The following JMJD1C variants were observed in gnomAD, a reference collection of about 807,000 sequenced individuals.
The protein encoded by JMJD1C is jumonji domain containing 1C.
Under a neutral mutation model 245.3 loss-of-function variants are expected in JMJD1C, and 31 were observed. The observed-to-expected ratio is 0.13, with a 90% CI of 0.09 to 0.17. The LOEUF (loss-of-function observed/expected upper bound fraction) is 0.17, where lower values mean the gene tolerates loss of function less well. Among genes scored for constraint, JMJD1C ranks in the 10% least tolerant of loss-of-function variants. JMJD1C has a pLI of 1.00. For missense variants in JMJD1C, 2,691 were observed against 3,000.2 expected (o/e 0.90, Z 2.41); for synonymous variants, 1,057 against 1,017.4 (o/e 1.04, Z -0.74).
At chr10:63,494,717 T>C (rs898050214) in intron 1 of JMJD1C, among the ~76,000 whole-genome samples, 2 of 152,202 alleles carry the variant, frequency 1.3e-5, no homozygotes, top group African/African-American at 4.8e-5. Flanking sequence ...TTCCTTGCAG[T>C]ATTGTTATTG....
intron 3 of JMJD1C, among the ~76,000 whole-genome samples, chr10:63,230,343 G>A (rs1849804757): frequency 6.6e-6 from 1 of 152,114 alleles, no homozygotes; most frequent in African/African-American, 2.4e-5. Context: ...CTGCACTCCA[G>A]CCTGGGCAAC....
chr10:63,217,194 T>C lies in JMJD1C; in HGVS notation c.678+13A>G. Reference sequence around the variant, plus strand: ...TTTAAAATCTCTATAAAAATATTAGTGGAACTATTTACCTGATCATTCATA... The same window carrying C: ...TTTAAAATCTCTATAAAAATATTAGCGGAACTATTTACCTGATCATTCATA... On this transcript the variant is annotated intron_variant, in intron 5 of 25. Coordinates refer to ENST00000399262, the MANE Select transcript of JMJD1C (RefSeq NM_032776.3). The C allele has an allele frequency of 6.3e-7, 1 of 1,596,422 alleles. No homozygotes were observed. Among genetic ancestry groups the C allele is most frequent in the Non-Finnish European group, 8.5e-7 (1 of 1,173,934 alleles).
chr10:63,292,374 G>A (rs147618045), intron 2 of JMJD1C, among the ~76,000 whole-genome samples: 36 of 151,960 alleles, frequency 2.4e-4, no homozygotes, highest in African/African-American at 8.2e-4. Context: ...CACTTTGGGG[G>A]GCCAAGGTGG....
At chr10:63,396,958 T>A (rs1948539103) in intron 1 of JMJD1C, among the ~76,000 whole-genome samples, 1 of 149,832 alleles carries the variant, frequency 6.7e-6, no homozygotes, top group Non-Finnish European at 1.5e-5. Context: ...AGACAGGGTC[T>A]CACTCTCGTT....
chr10:63,308,996 G>A (rs997147615), intron 2 of JMJD1C, among the ~76,000 whole-genome samples: 1 of 152,070 alleles, frequency 6.6e-6, no homozygotes. Flanking sequence ...TGGCAGAATG[G>A]CAGGCTTGGA....
intron 1 of JMJD1C, among the ~76,000 whole-genome samples, chr10:63,385,154 A>G (rs1461513077): frequency 6.6e-6 from 1 of 152,146 alleles, no homozygotes; most frequent in Non-Finnish European, 1.5e-5. Flanking sequence ...CAGAACACAC[A>G]TAGTGTTCTG....
chr10:63,290,498 T>C (rs1177878157), intron 2 of JMJD1C, among the ~76,000 whole-genome samples: 1 of 151,894 alleles, frequency 6.6e-6, no homozygotes, highest in Non-Finnish European at 1.5e-5. Context: ...GAGGCGGAGG[T>C]TGCAGTGAGC....
At position 63,335,226 on chromosome 10, in the gene JMJD1C, T is replaced by C. The variant is rs117416212; in HGVS notation, c.333+45092A>G. On this transcript the variant is annotated intron_variant, in intron 2 of 25. Coordinates refer to ENST00000399262, the MANE Select transcript of JMJD1C (RefSeq NM_032776.3). ...AGCAGTCTGTCAAAGTGCCTCTGAA[T>C]GTTGTTATCAGAGAATGTTGCTTCA... Among the ~76,000 whole-genome samples, 1,080 of 152,148 alleles carry C rather than the reference T, an allele frequency of 7.1e-3. 4 individuals are homozygous for C. The highest frequency in any genetic ancestry group is 1.0e-2 in the Non-Finnish European group (678 of 68,000).
chr10:63,406,554 T>G (rs2132629671), intron 1 of JMJD1C, among the ~76,000 whole-genome samples: 1 of 152,254 alleles, frequency 6.6e-6, no homozygotes, highest in East Asian at 1.9e-4. Context: ...TTTATTTCCC[T>G]ACAAGTGATG....
At chr10:63,435,216 A>T (rs1950996064) in intron 1 of JMJD1C, among the ~76,000 whole-genome samples, 1 of 152,162 alleles carries the variant, frequency 6.6e-6, no homozygotes, top group Admixed American at 6.5e-5. Context: ...TTCTGTATAC[A>T]TGCCAGTCCA....
intron 1 of JMJD1C, chr10:63,427,636 T>C (rs1950518591): frequency 1.5e-6 from 2 of 1,353,048 alleles, no homozygotes; most frequent in Non-Finnish European, 2.1e-6. Context: ...ACAGTGTGTT[T>C]ACTGTATGAA....
At chr10:63,386,580 G>A (rs1050840971) in intron 1 of JMJD1C, among the ~76,000 whole-genome samples, 2 of 152,184 alleles carry the variant, frequency 1.3e-5, no homozygotes, top group African/African-American at 2.4e-5. Context: ...TGGTACCTGA[G>A]CACTTTTTCC....
rs375004191 is a variant in JMJD1C, at chr10:63,465,399, G to C, written c.168+96C>G. Reference sequence around the variant, plus strand: ...AGAGGGGCGTGACCGCCAGTTGGCCGGGCTGAGCGAGGCGCCAGAGGGAAG... The same window carrying C: ...AGAGGGGCGTGACCGCCAGTTGGCCCGGCTGAGCGAGGCGCCAGAGGGAAG... On this transcript the variant is annotated intron_variant, in intron 1 of 25. Coordinates refer to ENST00000399262, the MANE Select transcript of JMJD1C (RefSeq NM_032776.3). The C allele has an allele frequency of 1.3e-5, 17 of 1,280,494 alleles. No individual in the cohort carries two copies. The African/African-American group carries it at 1.9e-4, about 14-fold the overall frequency. The allele number at this position is 1,280,494 out of a possible 1,614,324, so 79.3% of individuals were successfully genotyped here. A position where few individuals can be genotyped will look rare whatever the true frequency, so the allele number is the denominator to read the frequency against.
Position 63,207,051 on chromosome 10 carries a change from G to T in JMJD1C, c.4618C>A (p.Gln1540Lys). Residue 1540 changes from glutamine (Q) to lysine (K), a missense_variant, in exon 10 of 26, where the codon CAG becomes AAG. This residue lies in a region of JMJD1C where 1,562 missense variants were observed against 1,490.7 expected (regional missense o/e 1.05). Transcript: ENST00000399262. ...ANSVGNGQAS[Q>K]TSQPNYHTKL... ...GTATGGTAGTTTGGTTGACTTGTCT[G>T]GGAAGCTTGCCCATTTCCTACAGAG... 6.2e-7 allele frequency: 1 copy of T among 1,614,106 alleles called. No homozygotes were observed. The highest frequency in any genetic ancestry group is 1.1e-5 in the South Asian group (1 of 91,070).
Position 63,214,130 on chromosome 10 carries a change from A to G in JMJD1C, c.2037T>C (p.His679=), listed in dbSNP as rs112116567. 1,506 of 1,614,186 alleles carry G rather than the reference A, an allele frequency of 9.3e-4. 9 individuals are homozygous for G. Among genetic ancestry groups the G allele is most frequent in the Middle Eastern group, 8.2e-3 (50 of 6,062 alleles). ...GATGAAAACTGCATCTTGATAGCTCATGTTCTATCTTATTTGCCAATCTTC... is the reference window on the plus strand; with the variant it reads ...GATGAAAACTGCATCTTGATAGCTCGTGTTCTATCTTATTTGCCAATCTTC... ...GERRLANKIE[H]ELSRCSFHPI... is the part of the protein sequence containing the mutation. The change falls in exon 8 of 26, where the codon CAT becomes CAC. Residue 679 remains histidine (H), a synonymous_variant. Coordinates refer to ENST00000399262, the MANE Select transcript of JMJD1C (RefSeq NM_032776.3).
rs373532669 is a variant in JMJD1C at position 63,381,426 on chromosome 10, T to C, written c.169-944A>G. 1.1e-4 allele frequency among the ~76,000 whole-genome samples: 16 copies of C among 152,282 alleles called. No individual in the cohort carries two copies. The East Asian group carries it at 2.3e-3, about 22-fold the overall frequency. On this transcript the variant is annotated intron_variant, in intron 1 of 25. Coordinates refer to ENST00000399262, the MANE Select transcript of JMJD1C (RefSeq NM_032776.3). ...TACTCAGGAAGCTAAGACAGGAGGA[T>C]CACTTGAGCCCAGGAATTTGAGGCT...
At chr10:63,205,165 G>T in intron 10 of JMJD1C, 1 of 322,876 alleles carries the variant, frequency 3.1e-6, no homozygotes, top group Non-Finnish European at 4.5e-6. Flanking sequence ...ATAATCAGTT[G>T]TGAAGCTATT....
Position 63,207,758 on chromosome 10 carries a change from G to C in JMJD1C, c.3911C>G (p.Ser1304Cys), listed in dbSNP as rs751791256. The change falls in exon 10 of 26, where the codon TCT becomes TGT. Residue 1304 changes from serine to cysteine, a missense_variant. Physicochemically the swap from Ser to Cys is moderately radical, Grantham distance 112 (BLOSUM62 -1). Coordinates refer to ENST00000399262, the MANE Select transcript of JMJD1C (RefSeq NM_032776.3). ...SSGKLQAAMA[S>C]VIVRPSSSTK... The stretch of plus-strand genomic sequence containing the variant: ...ACTAGAAGATGGACGCACAATGACA[G>C]ATGCCATAGCAGCCTGTAACTTTCC... 6.2e-7 allele frequency: 1 copy of C among 1,614,202 alleles called. No individual in the cohort carries two copies. Among genetic ancestry groups the C allele is most frequent in the Non-Finnish European group, 8.5e-7 (1 of 1,180,022 alleles).
intron 2 of JMJD1C, among the ~76,000 whole-genome samples, chr10:63,339,099 C>A (rs1943139126): frequency 6.6e-6 from 1 of 152,156 alleles, no homozygotes. Flanking sequence ...TACCATTCTA[C>A]AAGCTGGTAG....
Sources: gnomAD v4.1 joint callset for allele counts (sites outside exome capture counted in the v4.1 genomes callset) on GRCh38, gnomAD v4.1.1 for gene constraint, gnomAD v4.1.1 regional missense constraint, MANE v1.5 for transcripts, NCBI Gene and HGNC (gene_info 2026-07-23, HGNC 2026-07-21) for gene names.